The following CDH22 variants were observed in gnomAD, a reference collection of about 807,000 sequenced individuals.
The protein encoded by CDH22 is cadherin-22.
A neutral mutation model predicts 58.4 loss-of-function variants in CDH22; 30 were observed. That is an observed-to-expected ratio of 0.51 (90% CI 0.38 to 0.70). CDH22 has a LOEUF of 0.70. CDH22 is among the 30% of genes least tolerant of loss of function. The pLI is 0.00. For missense variants in CDH22, 1,014 were observed against 1,233.9 expected (o/e 0.82, Z 2.67); for synonymous variants, 513 against 558.2 (o/e 0.92, Z 1.14).
At chr20:46,296,349 C>T (rs753402989) in intron 1 of CDH22, among the ~76,000 whole-genome samples, 68 of 152,310 alleles carry the variant, frequency 4.5e-4, no homozygotes, top group Admixed American at 6.5e-4. Flanking sequence ...GTCTTACACT[C>T]CTCATTTTAC....
intron 1 of CDH22, among the ~76,000 whole-genome samples, chr20:46,298,211 G>T (rs1345349576): frequency 1.3e-5 from 2 of 152,162 alleles, no homozygotes; most frequent in Non-Finnish European, 1.5e-5. Context: ...AAAAAAAAAG[G>T]CTCATCTACA....
At chr20:46,222,397 T>C (rs2086133148) in intron 4 of CDH22, among the ~76,000 whole-genome samples, 1 of 152,186 alleles carries the variant, frequency 6.6e-6, no homozygotes, top group African/African-American at 2.4e-5. Context: ...AGAAGCTCCG[T>C]GAGGGCAGAA....
At chr20:46,269,837 T>C (rs1347622858) in intron 1 of CDH22, among the ~76,000 whole-genome samples, 1 of 152,180 alleles carries the variant, frequency 6.6e-6, no homozygotes, top group African/African-American at 2.4e-5. Context: ...ATCCACCTCC[T>C]CAGGGACTTC....
At chr20:46,236,126 G>C (rs1330907193) in intron 3 of CDH22, among the ~76,000 whole-genome samples, 1 of 152,110 alleles carries the variant, frequency 6.6e-6, no homozygotes, top group Non-Finnish European at 1.5e-5. Flanking sequence ...TCTTCTTGTA[G>C]CTTAGTGGTT....
intron 10 of CDH22, among the ~76,000 whole-genome samples, chr20:46,182,231 T>C (rs144680321): frequency 6.6e-6 from 1 of 152,314 alleles, no homozygotes; most frequent in East Asian, 1.9e-4. Context: ...GAATTGAGCA[T>C]CATCTCTCTG....
At position 46,286,126 on chromosome 20, in the gene CDH22, A is replaced by G. The variant is rs112278955; in HGVS notation, c.-400+22129T>C. Among the ~76,000 whole-genome samples the G allele has an allele frequency of 8.3e-3, 1,259 of 152,302 alleles. 10 individuals carry two copies. The highest frequency in any genetic ancestry group is 0.023 in the South Asian group (113 of 4,810). On this transcript the variant is annotated intron_variant, in intron 1 of 11. Transcript: ENST00000537909. ...GGAAAAGAGAAAGGGGAGAAAACTA[A>G]GACATTATGGAGCACTTACTGTATG...
At chr20:46,259,268 C>T (rs566165245) in intron 1 of CDH22, among the ~76,000 whole-genome samples, 1 of 152,336 alleles carries the variant, frequency 6.6e-6, no homozygotes, top group East Asian at 1.9e-4. Flanking sequence ...TCACATGTAC[C>T]ATTTTCTCAT....
rs543535053 is a variant in CDH22, at chr20:46,255,107, C to T, written c.-399-3414G>A. 2.0e-3 allele frequency among the ~76,000 whole-genome samples: 308 copies of T among 152,244 alleles called. 1 individual carries two copies. The highest frequency in any genetic ancestry group is 6.8e-3 in the African/African-American group (281 of 41,520). Reference sequence around the variant, plus strand: ...CGTGATTTCGGCTCCCTGCAACCTCCGCCTCCCCGGCTCAAGCAGTTCTCC... The same window carrying T: ...CGTGATTTCGGCTCCCTGCAACCTCTGCCTCCCCGGCTCAAGCAGTTCTCC... On this transcript the variant is annotated intron_variant, in intron 1 of 11. Transcript: ENST00000537909.
At chr20:46,204,647 G>C (rs2085987427) in intron 7 of CDH22, among the ~76,000 whole-genome samples, 1 of 152,064 alleles carries the variant, frequency 6.6e-6, no homozygotes, top group South Asian at 2.1e-4. Flanking sequence ...TCTTGCCCTG[G>C]GTCACACAGG....
At chr20:46,189,637 C>T (rs1297158390) in intron 8 of CDH22, among the ~76,000 whole-genome samples, 2 of 152,196 alleles carry the variant, frequency 1.3e-5, no homozygotes, top group Non-Finnish European at 2.9e-5. Context: ...TATGCTCGGC[C>T]TCTCTTACCT....
intron 1 of CDH22, among the ~76,000 whole-genome samples, chr20:46,285,142 A>C (rs1183615943): frequency 6.6e-6 from 1 of 152,214 alleles, no homozygotes; most frequent in East Asian, 1.9e-4. Context: ...TTGCCTTTGC[A>C]TGTGCCGTGA....
chr20:46,201,168 G>C (rs1159070043), intron 7 of CDH22, among the ~76,000 whole-genome samples: 1 of 152,238 alleles, frequency 6.6e-6, no homozygotes, highest in Non-Finnish European at 1.5e-5. Flanking sequence ...GAGGCTGCGC[G>C]CGGACAAAGG....
At chr20:46,277,043 C>A (rs573298269) in intron 1 of CDH22, among the ~76,000 whole-genome samples, 2 of 151,980 alleles carry the variant, frequency 1.3e-5, no homozygotes, top group African/African-American at 4.8e-5. Context: ...AATCCCAGAA[C>A]TTTTGGAGGC....
intron 3 of CDH22, among the ~76,000 whole-genome samples, chr20:46,240,083 C>A (rs2086279199): frequency 1.3e-5 from 2 of 151,878 alleles, no homozygotes; most frequent in South Asian, 4.2e-4. Flanking sequence ...GCTTAGCCAT[C>A]TCTGTGTGAG....
rs772832037 is a variant in CDH22, at chr20:46,216,831, G to A, written c.833C>T (p.Pro278Leu). The A allele has an allele frequency of 1.9e-6, 3 of 1,596,420 alleles. No individual in the cohort carries two copies. Among genetic ancestry groups the A allele is most frequent in the Non-Finnish European group, 1.7e-6 (2 of 1,165,360 alleles). The change falls in exon 5 of 12, where the codon CCG becomes CTG. Residue 278 changes from proline to leucine, a missense_variant. Coordinates refer to ENST00000537909, the MANE Select transcript of CDH22 (RefSeq NM_021248.3). This position sits in a 1 kb window ranked among gnomAD's most constrained non-coding sequence, Gnocchi z 5.3. ...TCTGGGAAGGCCTCACTCACTCTGC[G>A]GGAAACGGGGCGGGTTGTCATTGAC... ...TDVNDNPPRFPQKMYQFSIQE... is the reference protein window; with the variant it reads ...TDVNDNPPRFLQKMYQFSIQE...
intron 1 of CDH22, among the ~76,000 whole-genome samples, chr20:46,269,818 G>A (rs1758059034): frequency 6.6e-6 from 1 of 152,150 alleles, no homozygotes; most frequent in Non-Finnish European, 1.5e-5. Context: ...ACCCCCTGCG[G>A]ATTTCCCCAT....
chr20:46,204,622 C>T (rs920320822), intron 7 of CDH22, among the ~76,000 whole-genome samples: 5 of 152,120 alleles, frequency 3.3e-5, no homozygotes, highest in South Asian at 2.1e-4. Context: ...AACTGAGGCT[C>T]GGAGAAGCCA....
chr20:46,218,677 C>T (rs1035381446), intron 4 of CDH22, among the ~76,000 whole-genome samples: 15 of 152,296 alleles, frequency 9.8e-5, no homozygotes, highest in African/African-American at 3.6e-4. Context: ...GCCCTAGATC[C>T]TCTATCCAGG....
intron 2 of CDH22, among the ~76,000 whole-genome samples, chr20:46,249,196 A>G (rs571521728): frequency 9.2e-5 from 14 of 152,298 alleles, no homozygotes; most frequent in Non-Finnish European, 1.3e-4. Flanking sequence ...CCAGGCCTCA[A>G]ACTCAGGTGT....
Sources: gnomAD v4.1 joint callset for allele counts (sites outside exome capture counted in the v4.1 genomes callset) on GRCh38, gnomAD v4.1.1 for gene constraint, Gnocchi (gnomAD v3.1) non-coding constraint, MANE v1.5 for transcripts, NCBI Gene and HGNC (gene_info 2026-07-23, HGNC 2026-07-21) for gene names.